The following SCAPER variants were observed in gnomAD, a reference collection of about 807,000 sequenced individuals.
The protein encoded by SCAPER is S phase cyclin A-associated protein in the endoplasmic reticulum.
A neutral mutation model predicts 182.2 loss-of-function variants in SCAPER; 98 were observed. The ratio of observed to expected loss-of-function variants is 0.54; its 90% confidence interval spans 0.46 to 0.64. SCAPER has a LOEUF of 0.64. Ranked by LOEUF, SCAPER falls within the 30% of genes least tolerant of loss-of-function variation. SCAPER has a pLI of 0.00. For missense variants in SCAPER, 1,432 were observed against 1,690.0 expected (o/e 0.85, Z 2.68); for synonymous variants, 605 against 564.6 (o/e 1.07, Z -1.01).
At chr15:76,640,340 T>C (rs552555536) in intron 21 of SCAPER, among the ~76,000 whole-genome samples, 4 of 152,346 alleles carry the variant, frequency 2.6e-5, no homozygotes, top group African/African-American at 9.6e-5. Flanking sequence ...CTGATTTTTG[T>C]ATAACTCCGT....
chr15:76,639,459 GA>G (rs1224897387), intron 21 of SCAPER, among the ~76,000 whole-genome samples: 1 of 152,204 alleles, frequency 6.6e-6, no homozygotes, highest in Non-Finnish European at 1.5e-5. Context: ...CTGAAGACCT[GA>G]ACATTCAGAA....
intron 27 of SCAPER, among the ~76,000 whole-genome samples, chr15:76,392,533 C>T (rs1158329244): frequency 1.3e-5 from 2 of 151,466 alleles, no homozygotes; most frequent in Admixed American, 6.6e-5. Context: ...CCCAGGAGTT[C>T]GACACCAGCC....
At chr15:76,410,876 C>CT (rs139922939) in intron 26 of SCAPER, among the ~76,000 whole-genome samples, 61,954 of 151,704 alleles carry the variant, frequency 0.41, 14,605 homozygotes, top group Middle Eastern at 0.55. Flanking sequence ...CTTCACATCT[C>CT]TTGTCTTCTT....
At chr15:76,384,660 T>C (rs1398704567) in intron 27 of SCAPER, among the ~76,000 whole-genome samples, 4 of 152,290 alleles carry the variant, frequency 2.6e-5, no homozygotes, top group Middle Eastern at 3.4e-3. Flanking sequence ...ATGCATAAGA[T>C]AGTGCTTCAT....
intron 23 of SCAPER, among the ~76,000 whole-genome samples, chr15:76,517,406 G>A (rs970756380): frequency 5.4e-5 from 8 of 148,924 alleles, no homozygotes. Flanking sequence ...CTGGAGTGCA[G>A]TGGTGTGATC....
At chr15:76,633,172 C>G (rs2053283287) in intron 21 of SCAPER, among the ~76,000 whole-genome samples, 1 of 152,142 alleles carries the variant, frequency 6.6e-6, no homozygotes, top group Non-Finnish European at 1.5e-5. Flanking sequence ...AGTCAGGTCC[C>G]TCTTCTGTAG....
Position 76,579,444 on chromosome 15 carries a change from G to A in SCAPER, c.2712-5160C>T, listed in dbSNP as rs536164659. Among the ~76,000 whole-genome samples the A allele has an allele frequency of 4.0e-5, 6 of 151,504 alleles. No homozygotes were observed. In the South Asian group the frequency reaches 1.2e-3, roughly 31 times the overall value. ...TATTTAGTTTTTTTATGCAAGTAGT[G>A]TTAAGTTGTCATCAGTTTAAAATAA... On this transcript the variant is annotated intron_variant, in intron 22 of 31. Transcript: ENST00000563290.
intron 22 of SCAPER, among the ~76,000 whole-genome samples, chr15:76,604,760 T>C (rs2050224089): frequency 6.6e-6 from 1 of 151,828 alleles, no homozygotes; most frequent in Non-Finnish European, 1.5e-5. Flanking sequence ...TAAGTTGGAT[T>C]CCTAGGTATT....
intron 17 of SCAPER, among the ~76,000 whole-genome samples, chr15:76,725,498 C>T (rs2060530524): frequency 6.7e-6 from 1 of 149,830 alleles, no homozygotes; most frequent in Non-Finnish European, 1.5e-5. Context: ...TTCTTTTTTA[C>T]AAAAATTAAA....
intron 25 of SCAPER, among the ~76,000 whole-genome samples, chr15:76,439,637 C>G (rs1280454632): frequency 6.6e-6 from 1 of 152,216 alleles, no homozygotes; most frequent in Non-Finnish European, 1.5e-5. Context: ...AGGGCCTGTC[C>G]TTTGGGCAAT....
At chr15:76,582,132 G>GT (rs2048315093) in intron 22 of SCAPER, among the ~76,000 whole-genome samples, 1 of 152,084 alleles carries the variant, frequency 6.6e-6, no homozygotes, top group Non-Finnish European at 1.5e-5. Flanking sequence ...AGAAAGAAAT[G>GT]AAGGGCATCC....
At chr15:76,464,961 AT>A (rs1332733311) in intron 25 of SCAPER, among the ~76,000 whole-genome samples, 5 of 151,988 alleles carry the variant, frequency 3.3e-5, no homozygotes, top group African/African-American at 4.8e-5. Flanking sequence ...TGTGGTTTTG[AT>A]TTGCATTTTC....
chr15:76,766,086 T>TTTAC (rs2063097008), intron 11 of SCAPER, among the ~76,000 whole-genome samples: 1 of 151,330 alleles, frequency 6.6e-6, no homozygotes, highest in Non-Finnish European at 1.5e-5. Context: ...TGCTCATTTA[T>TTTAC]TTATTTATTT....
intron 22 of SCAPER, among the ~76,000 whole-genome samples, chr15:76,614,247 A>G (rs1483792410): frequency 6.6e-6 from 1 of 152,112 alleles, no homozygotes; most frequent in Non-Finnish European, 1.5e-5. Context: ...GGCCTTTTGG[A>G]GGATGGAGGG....
intron 25 of SCAPER, among the ~76,000 whole-genome samples, chr15:76,439,849 T>C (rs1323048534): frequency 6.6e-6 from 1 of 152,256 alleles, no homozygotes; most frequent in South Asian, 2.1e-4. Context: ...ATGTAGCTTT[T>C]GGTCCTTCTG....
At chr15:76,612,174 A>G (rs1007765438) in intron 22 of SCAPER, among the ~76,000 whole-genome samples, 5 of 152,240 alleles carry the variant, frequency 3.3e-5, no homozygotes, top group Admixed American at 3.3e-4. Context: ...TTTGCAGATA[A>G]CATGATCCTG....
intron 22 of SCAPER, among the ~76,000 whole-genome samples, chr15:76,577,158 A>ACTCTG (rs1402612592): frequency 1.3e-5 from 2 of 151,674 alleles, no homozygotes; most frequent in African/African-American, 4.8e-5. Flanking sequence ...ACTAAAGAGG[A>ACTCTG]CTCTGTGCCA....
At chr15:76,677,062 G>A (rs2146942523) in intron 20 of SCAPER, among the ~76,000 whole-genome samples, 1 of 152,018 alleles carries the variant, frequency 6.6e-6, no homozygotes, top group East Asian at 1.9e-4. Flanking sequence ...TATGTCACAG[G>A]CACAAGTAAA....
At chr15:76,431,676 C>CAAGAAAAAAAA (rs2046868738) in intron 26 of SCAPER, among the ~76,000 whole-genome samples, 1 of 47,128 alleles carries the variant, frequency 2.1e-5, no homozygotes, top group Non-Finnish European at 3.5e-5. Context: ...AAATGATTAG[C>CAAGAAAAAAAA]AAAAAAAAAA....
Sources: allele counts gnomAD v4.1 joint callset (sites outside exome capture counted in the v4.1 genomes callset), GRCh38; gene constraint gnomAD v4.1.1; transcripts MANE v1.5; gene names NCBI Gene and HGNC (gene_info 2026-07-23, HGNC 2026-07-21).